The following CACNA2D3 variants were observed in gnomAD, a reference collection of about 807,000 sequenced individuals.
The protein encoded by CACNA2D3 is calcium voltage-gated channel auxiliary subunit alpha2delta 3, also known as voltage-dependent calcium channel subunit alpha-2/delta-3.
In CACNA2D3, 60 loss-of-function variants were observed where a neutral mutation model predicts 160.6. That is an observed-to-expected ratio of 0.37 (90% confidence interval 0.30 to 0.46). The LOEUF (loss-of-function observed/expected upper bound fraction) is 0.46. Among genes scored for constraint, CACNA2D3 ranks in the 20% least tolerant of loss-of-function variants. CACNA2D3 has a pLI of 1.00. For synonymous variants in CACNA2D3, 558 were observed against 492.9 expected (o/e 1.13, Z -1.75); for missense variants, 1,205 against 1,365.0 (o/e 0.88, Z 1.85).
At chr3:54,166,769 T>C (rs1700465745) in intron 2 of CACNA2D3, among the ~76,000 whole-genome samples, 1 of 152,204 alleles carries the variant, frequency 6.6e-6, no homozygotes, top group Non-Finnish European at 1.5e-5. Context: ...TGAGTTTTTA[T>C]GAGACTTCCA....
chr3:54,123,144 G>T (rs762854440), intron 1 of CACNA2D3, among the ~76,000 whole-genome samples: 1 of 136,276 alleles, frequency 7.3e-6, no homozygotes, highest in Admixed American at 7.4e-5. Flanking sequence ...CTCTACTGCC[G>T]CCCCACTTCT....
At chr3:54,344,095 TTGGAGGA>T (rs1698413125) in intron 3 of CACNA2D3, among the ~76,000 whole-genome samples, 1 of 152,154 alleles carries the variant, frequency 6.6e-6, no homozygotes, top group African/African-American at 2.4e-5. Flanking sequence ...TCACAGATAA[TTGGAGGA>T]AGTAGTAATA....
intron 29 of CACNA2D3, among the ~76,000 whole-genome samples, chr3:54,974,083 A>G (rs919700608): frequency 1.3e-5 from 2 of 152,212 alleles, no homozygotes; most frequent in Non-Finnish European, 2.9e-5. Context: ...CCTTCCAAAC[A>G]AAAGGCAAAA....
At chr3:54,317,711 G>T (rs1046792295) in intron 2 of CACNA2D3, among the ~76,000 whole-genome samples, 2 of 152,068 alleles carry the variant, frequency 1.3e-5, no homozygotes, top group African/African-American at 4.8e-5. Flanking sequence ...CTAATTTTTT[G>T]TATTTTTAGT....
At chr3:54,845,341 A>G (rs1446490546) in intron 16 of CACNA2D3, among the ~76,000 whole-genome samples, 2 of 152,212 alleles carry the variant, frequency 1.3e-5, no homozygotes, top group East Asian at 1.9e-4. Context: ...GGATCATTTA[A>G]TAGTATCATA....
intron 3 of CACNA2D3, among the ~76,000 whole-genome samples, chr3:54,345,824 C>G (rs1698447316): frequency 6.9e-6 from 1 of 143,946 alleles, no homozygotes; most frequent in Non-Finnish European, 1.5e-5. Context: ...CCAAGTCTCT[C>G]TTGATGCTCT....
chr3:54,689,577 C>A (rs1457907078), intron 11 of CACNA2D3, among the ~76,000 whole-genome samples: 1 of 152,128 alleles, frequency 6.6e-6, no homozygotes, highest in African/African-American at 2.4e-5. Context: ...CCCTCAGCCA[C>A]CCCCAGTGTG....
chr3:54,162,517 A>T (rs767112662), intron 2 of CACNA2D3, among the ~76,000 whole-genome samples: 27 of 152,174 alleles, frequency 1.8e-4, no homozygotes, highest in Non-Finnish European at 3.7e-4. Context: ...TCCCTAGAGA[A>T]CAAGGAAGAA....
chr3:54,809,419 C>T (rs541389576), intron 13 of CACNA2D3, among the ~76,000 whole-genome samples: 5 of 139,898 alleles, frequency 3.6e-5, no homozygotes, highest in Non-Finnish European at 6.0e-5. Context: ...CCCGGGTTCA[C>T]GCCATTCTCC....
At chr3:54,223,737 G>C (rs529254210) in intron 2 of CACNA2D3, among the ~76,000 whole-genome samples, 1 of 151,154 alleles carries the variant, frequency 6.6e-6, no homozygotes, top group South Asian at 2.1e-4. Context: ...GCTGAATCCC[G>C]TCTACTCAGG....
chr3:54,719,107 A>G (rs888590163), intron 11 of CACNA2D3, among the ~76,000 whole-genome samples: 5 of 148,570 alleles, frequency 3.4e-5, no homozygotes, highest in Admixed American at 6.7e-5. Context: ...CTATATTTCT[A>G]CTTTCCCAAT....
intron 4 of CACNA2D3, among the ~76,000 whole-genome samples, chr3:54,390,260 A>G (rs1699256876): frequency 6.6e-6 from 1 of 152,194 alleles, no homozygotes; most frequent in Non-Finnish European, 1.5e-5. Context: ...TTATTTTCCA[A>G]GAGTGTTCTG....
At chr3:54,879,270 T>C (rs1451400851) in intron 19 of CACNA2D3, 80 bp from the exon 20 acceptor site, 1 of 1,112,428 alleles carries the variant, frequency 9.0e-7, no homozygotes, top group Admixed American at 2.2e-5. Flanking sequence ...CCATTTATTT[T>C]TATTTATTTC....
At chr3:54,747,143 A>G (rs1176175014) in intron 11 of CACNA2D3, among the ~76,000 whole-genome samples, 1 of 151,990 alleles carries the variant, frequency 6.6e-6, no homozygotes, top group Non-Finnish European at 1.5e-5. Flanking sequence ...GCTTGGTGGC[A>G]TTTTTTAAAG....
intron 4 of CACNA2D3, among the ~76,000 whole-genome samples, chr3:54,461,682 T>A (rs1032460000): frequency 1.3e-4 from 20 of 151,956 alleles, no homozygotes; most frequent in African/African-American, 4.6e-4. Context: ...TCTTTATTAG[T>A]CTTGGTAGTG....
intron 4 of CACNA2D3, among the ~76,000 whole-genome samples, chr3:54,446,485 C>T (rs1700224012): frequency 6.6e-6 from 1 of 152,174 alleles, no homozygotes; most frequent in Admixed American, 6.5e-5. Context: ...ATGCTGCTGC[C>T]TTTTCTTTAA....
At chr3:54,807,256 A>C (rs1386161719) in intron 13 of CACNA2D3, among the ~76,000 whole-genome samples, 1 of 152,200 alleles carries the variant, frequency 6.6e-6, no homozygotes, top group Non-Finnish European at 1.5e-5. Context: ...CTACCATCAG[A>C]GTGAACAGGC....
chr3:54,209,761 A>G (rs772581691), intron 2 of CACNA2D3, among the ~76,000 whole-genome samples: 4 of 152,216 alleles, frequency 2.6e-5, no homozygotes, highest in Non-Finnish European at 5.9e-5. Context: ...AGGATGTTCT[A>G]AAGTATACGT....
intron 4 of CACNA2D3, among the ~76,000 whole-genome samples, chr3:54,424,030 A>G (rs1275536295): frequency 6.6e-6 from 1 of 151,766 alleles, no homozygotes; most frequent in Non-Finnish European, 1.5e-5. Flanking sequence ...CTGGTACTAT[A>G]GCTGCACACC....
Sources: allele counts gnomAD v4.1 joint callset (sites outside exome capture counted in the v4.1 genomes callset), GRCh38; gene constraint gnomAD v4.1.1; transcripts MANE v1.5; gene names NCBI Gene and HGNC (gene_info 2026-07-23, HGNC 2026-07-21).